Variants in IMMP2L observed in about 807,000 individuals in gnomAD.
IMMP2L encodes inner mitochondrial membrane peptidase subunit 2, also known as mitochondrial inner membrane protease subunit 2.
In IMMP2L, 18 loss-of-function variants were observed where a neutral mutation model predicts 19.3. That is an observed-to-expected ratio of 0.93 (90% CI 0.64 to 1.38). The LOEUF (loss-of-function observed/expected upper bound fraction) is 1.38, where lower values mean the gene tolerates loss of function less well. Among genes scored for constraint, IMMP2L ranks in the 40% most tolerant of loss-of-function variants. IMMP2L has a pLI of 0.00. For missense variants in IMMP2L, 233 were observed against 218.2 expected, an observed-to-expected ratio of 1.07 and a Z score of -0.43; for synonymous variants, 76 against 73.0, an observed-to-expected ratio of 1.04 and a Z score of -0.21.
In IMMP2L at chr7:111,424,236, G is replaced by A. The variant is rs532109135; in HGVS notation, c.239+63002C>T. 9.9e-5 allele frequency among the ~76,000 whole-genome samples: 15 copies of A among 151,766 alleles called. 1 individual carries two copies. In the South Asian group the frequency reaches 2.5e-3, roughly 25 times the overall value. On this transcript the variant is annotated intron_variant, in intron 3 of 5. Transcript: ENST00000405709. Reference sequence around the variant, plus strand: ...TTCTACTCATCACAGTATCTCCACCGTTTAACACTGTTACAACGCAAGTGC... The same window carrying A: ...TTCTACTCATCACAGTATCTCCACCATTTAACACTGTTACAACGCAAGTGC...
chr7:111,539,184 G>GAGA (rs1848211099), intron 1 of IMMP2L, among the ~76,000 whole-genome samples: 1 of 70,494 alleles, frequency 1.4e-5, no homozygotes, highest in African/African-American at 6.9e-5. Context: ...AGGAAGGAAG[G>GAGA]AAGGAAGGAG....
intron 5 of IMMP2L, among the ~76,000 whole-genome samples, chr7:110,796,131 T>A (rs1240676292): frequency 6.6e-6 from 1 of 152,060 alleles, no homozygotes; most frequent in African/African-American, 2.4e-5. Flanking sequence ...GATGTGTTTG[T>A]TTCTCCTTCC....
chr7:111,492,948 C>G (rs1260322866), intron 2 of IMMP2L, among the ~76,000 whole-genome samples: 1 of 152,190 alleles, frequency 6.6e-6, no homozygotes, highest in Non-Finnish European at 1.5e-5. Context: ...CTCTTCCACT[C>G]AGGTGTAAGT....
At chr7:111,268,581 T>C (rs1158392355) in intron 3 of IMMP2L, among the ~76,000 whole-genome samples, 4 of 29,944 alleles carry the variant, frequency 1.3e-4, no homozygotes, top group African/African-American at 4.4e-4. Flanking sequence ...TTTTTTTTTT[T>C]TTTTTTTTTT....
chr7:110,915,931 T>C, intron 4 of IMMP2L, among the ~76,000 whole-genome samples: 1 of 152,148 alleles, frequency 6.6e-6, no homozygotes, highest in Admixed American at 6.6e-5. Flanking sequence ...ATAATCTGAC[T>C]AGTAAATTAA....
intron 3 of IMMP2L, among the ~76,000 whole-genome samples, chr7:111,378,682 C>T (rs1830914207): frequency 6.6e-6 from 1 of 151,844 alleles, no homozygotes; most frequent in Non-Finnish European, 1.5e-5. Flanking sequence ...TTTATAATAT[C>T]CAATTGCATT....
chr7:110,978,262 T>A (rs928279859), intron 3 of IMMP2L, among the ~76,000 whole-genome samples: 1 of 152,050 alleles, frequency 6.6e-6, no homozygotes, highest in Non-Finnish European at 1.5e-5. Context: ...AGTATATTTG[T>A]AGGCTTTTAT....
At chr7:110,773,259 C>A (rs541641419) in intron 5 of IMMP2L, among the ~76,000 whole-genome samples, 2 of 152,066 alleles carry the variant, frequency 1.3e-5, no homozygotes, top group African/African-American at 4.8e-5. Flanking sequence ...TCTATACTGA[C>A]AAAATGTTCA....
At chr7:111,496,899 T>C (rs778705206) in intron 2 of IMMP2L, among the ~76,000 whole-genome samples, 12 of 145,436 alleles carry the variant, frequency 8.3e-5, no homozygotes, top group Non-Finnish European at 1.8e-4. Flanking sequence ...GATAGATACA[T>C]AGATAGATAG....
At chr7:111,019,713 A>G (rs2129566170) in intron 3 of IMMP2L, among the ~76,000 whole-genome samples, 1 of 152,304 alleles carries the variant, frequency 6.6e-6, no homozygotes, top group African/African-American at 2.4e-5. Flanking sequence ...GCCAGTATAA[A>G]TCAGCAGCTA....
intron 4 of IMMP2L, among the ~76,000 whole-genome samples, chr7:110,905,637 A>G (rs965986184): frequency 2.0e-5 from 3 of 152,206 alleles, no homozygotes; most frequent in Admixed American, 6.5e-5. Context: ...GCAAAAGATG[A>G]GAGATCATAA....
intron 5 of IMMP2L, among the ~76,000 whole-genome samples, chr7:110,746,658 T>A (rs555167790): frequency 1.3e-5 from 2 of 152,234 alleles, no homozygotes; most frequent in Admixed American, 6.5e-5. Flanking sequence ...GACTACTGGG[T>A]ACATAACAAA....
chr7:111,006,816 C>T (rs375031298), intron 3 of IMMP2L, among the ~76,000 whole-genome samples: 1 of 152,150 alleles, frequency 6.6e-6, no homozygotes, highest in Non-Finnish European at 1.5e-5. Flanking sequence ...CCTAGCCAAG[C>T]AAACCACTCT....
chr7:110,774,839 A>C (rs1340722277), intron 5 of IMMP2L, among the ~76,000 whole-genome samples: 1 of 152,114 alleles, frequency 6.6e-6, no homozygotes, highest in African/African-American at 2.4e-5. Flanking sequence ...CTCATTTCTC[A>C]TAATGATCTC....
chr7:111,342,541 G>A (rs920353489), intron 3 of IMMP2L, among the ~76,000 whole-genome samples: 5 of 151,768 alleles, frequency 3.3e-5, no homozygotes, highest in South Asian at 2.1e-4. Context: ...GCAGTGAGCC[G>A]AGATCTCAAC....
intron 5 of IMMP2L, among the ~76,000 whole-genome samples, chr7:110,772,317 G>A (rs558516433): frequency 4.3e-4 from 66 of 152,102 alleles, no homozygotes; most frequent in Middle Eastern, 3.4e-3. Flanking sequence ...TACAACCATC[G>A]GCCTTCTTGT....
intron 5 of IMMP2L, among the ~76,000 whole-genome samples, chr7:110,873,429 CAAAAAAAAAAA>C (rs60827428): frequency 1.5e-3 from 44 of 28,952 alleles, no homozygotes; most frequent in Middle Eastern, 0.05. Context: ...GACTCTATCT[CAAAAAAAAAAA>C]AAAAAAAAAA....
chr7:110,770,593 C>A (rs1798969387), intron 5 of IMMP2L, among the ~76,000 whole-genome samples: 1 of 152,038 alleles, frequency 6.6e-6, no homozygotes, highest in Admixed American at 6.6e-5. Context: ...AGTTGATGTT[C>A]CTGAAGTTAT....
rs762576425 is a variant in IMMP2L at position 111,268,569 on chromosome 7, C to CTTTTTTTTTTTTTTTTTTT, written c.239+218650_239+218668dup. On this transcript the variant is annotated intron_variant, in intron 3 of 5. Transcript: ENST00000405709. Reference sequence around the variant, plus strand: ...GATATGAGTTAAACTTCACATTTCTCTTTTTTTTTTTTTTTTTTTTTTTTT... The same window carrying CTTTTTTTTTTTTTTTTTTT: ...GATATGAGTTAAACTTCACATTTCTCTTTTTTTTTTTTTTTTTTTTTTTTTTTTTTTTTTTTTTTTTTTT... Among the ~76,000 whole-genome samples the CTTTTTTTTTTTTTTTTTTT allele has an allele frequency of 2.0e-4, 9 of 44,592 alleles. 2 individuals are homozygous for CTTTTTTTTTTTTTTTTTTT. Among genetic ancestry groups the CTTTTTTTTTTTTTTTTTTT allele is most frequent in the South Asian group, 9.5e-4 (1 of 1,048 alleles). 29.3% of individuals were successfully genotyped at this position (44,592 alleles called of 152,430 possible).
Sources: allele counts gnomAD v4.1 joint callset (sites outside exome capture counted in the v4.1 genomes callset), GRCh38; gene constraint gnomAD v4.1.1; transcripts MANE v1.5; gene names NCBI Gene and HGNC (gene_info 2026-07-23, HGNC 2026-07-21).